KAZN: variants seen among roughly 807,000 people sequenced by gnomAD.
KAZN encodes kazrin.
KAZN carries 40 observed loss-of-function variants against 87.4 expected under a neutral mutation model. The observed-to-expected ratio is 0.46, with a 90% CI of 0.36 to 0.60. KAZN has a LOEUF of 0.60. KAZN is among the 20% of genes least tolerant of loss of function. The probability of loss-of-function intolerance (pLI) is 0.00; values close to 1 mark genes in which losing one functional copy is unlikely to be tolerated. For missense variants in KAZN, 898 were observed against 1,073.9 expected (o/e 0.84, Z 2.29); for synonymous variants, 466 against 458.3 (o/e 1.02, Z -0.22).
intron 2 of KAZN, among the ~76,000 whole-genome samples, chr1:14,453,611 G>A (rs12748818): frequency 0.099 from 15,053 of 152,084 alleles, 930 homozygotes; most frequent in East Asian, 0.19. Flanking sequence ...CAAGGTGGGC[G>A]GATCACTTGA....
At chr1:14,605,190 T>G (rs546613935) in intron 1 of KAZN, among the ~76,000 whole-genome samples, 8 of 152,328 alleles carry the variant, frequency 5.3e-5, no homozygotes, top group Admixed American at 2.6e-4. Context: ...TTTCTTTCTC[T>G]TTGGTCAAGG....
rs967915062 is a variant in KAZN, at chr1:14,819,009, C to T, written c.227-141675C>T. 2.0e-5 allele frequency among the ~76,000 whole-genome samples: 3 copies of T among 152,136 alleles called. 1 individual carries two copies. The highest frequency in any genetic ancestry group is 7.2e-5 in the African/African-American group (3 of 41,424). ...GGCAAACGCCGCAGTGAGCCGAGAT[C>T]GTGCCATTGCACTCCAGCCTGGGCA... is the stretch of plus-strand genomic sequence containing the variant. On this transcript the variant is annotated intron_variant, in intron 1 of 14. Coordinates refer to ENST00000376030, the MANE Select transcript of KAZN (RefSeq NM_201628.3).
At chr1:14,420,200 A>G (rs1217922464) in intron 2 of KAZN, among the ~76,000 whole-genome samples, 5 of 151,998 alleles carry the variant, frequency 3.3e-5, no homozygotes, top group African/African-American at 9.7e-5. Flanking sequence ...GCGTTTACAA[A>G]CCTTGAGCTA....
In KAZN at chr1:14,269,323, T is replaced by TA. The variant is rs35936892; in HGVS notation, c.249+88740dup. ...GGACTCCTTTGGGGGTTGATAATGA[T>TA]AAAAAAAAAGTTTGAGAAACTCTCC... On this transcript the variant is annotated intron_variant, in intron 2 of 16. Transcript: ENST00000636203. 2.7e-3 allele frequency among the ~76,000 whole-genome samples: 409 copies of TA among 151,382 alleles called. 4 individuals carry two copies. Among genetic ancestry groups the TA allele is most frequent in the African/African-American group, 8.5e-3 (350 of 41,288 alleles).
At chr1:14,766,684 C>T (rs1420657034) in intron 1 of KAZN, among the ~76,000 whole-genome samples, 1 of 149,284 alleles carries the variant, frequency 6.7e-6, no homozygotes, top group African/African-American at 2.5e-5. Context: ...TTGGAGCTCA[C>T]AGTCCAGTGG....
intron 2 of KAZN, among the ~76,000 whole-genome samples, chr1:14,405,663 GATTT>G (rs1031939188): frequency 3.3e-5 from 5 of 149,752 alleles, no homozygotes; most frequent in Non-Finnish European, 7.4e-5. Context: ...CAGAGAGAGA[GATTT>G]ATTATAAGGA....
chr1:14,070,185 A>AAAAAAAAAAAAAAAG (rs1570664859), intron 1 of KAZN, among the ~76,000 whole-genome samples: 2 of 149,104 alleles, frequency 1.3e-5, no homozygotes, highest in East Asian at 2.0e-4. Context: ...AAAAAAGTAA[A>AAAAAAAAAAAAAAAG]TAAATAAAAT....
At chr1:14,579,661 A>C (rs1466770907) in intron 2 of KAZN, among the ~76,000 whole-genome samples, 4 of 151,998 alleles carry the variant, frequency 2.6e-5, no homozygotes, top group African/African-American at 9.7e-5. Flanking sequence ...GAAATGCTAC[A>C]GTAAGCATAC....
intron 2 of KAZN, among the ~76,000 whole-genome samples, chr1:14,293,704 T>C (rs1653895974): frequency 6.6e-6 from 1 of 152,094 alleles, no homozygotes; most frequent in Non-Finnish European, 1.5e-5. Context: ...GATTAAACCA[T>C]TGACTAGCCT....
intron 2 of KAZN, among the ~76,000 whole-genome samples, chr1:15,003,436 C>T (rs1463334436): frequency 6.6e-6 from 1 of 152,156 alleles, no homozygotes; most frequent in African/African-American, 2.4e-5. Context: ...TGTCTACATA[C>T]GTCAAAGCTT....
chr1:14,870,720 C>A (rs1165874744), intron 1 of KAZN, among the ~76,000 whole-genome samples: 1 of 152,182 alleles, frequency 6.6e-6, no homozygotes, highest in Non-Finnish European at 1.5e-5. Flanking sequence ...AGGAGCTTCA[C>A]ATCTGGCACA....
chr1:14,124,111 A>G (rs146173239), intron 1 of KAZN: 4 of 152,372 alleles, frequency 2.6e-5, no homozygotes, highest in African/African-American at 9.6e-5. Flanking sequence ...AAATCACCTT[A>G]CGTGAATATT....
chr1:14,459,387 G>A (rs1667740665), intron 2 of KAZN, among the ~76,000 whole-genome samples: 1 of 151,760 alleles, frequency 6.6e-6, no homozygotes, highest in Admixed American at 6.6e-5. Context: ...TGATTAATGT[G>A]AGGCAGAAAT....
intron 1 of KAZN, among the ~76,000 whole-genome samples, chr1:14,884,397 AAAG>A (rs1336395139): frequency 6.6e-6 from 1 of 152,204 alleles, no homozygotes; most frequent in Non-Finnish European, 1.5e-5. Flanking sequence ...TCTCAAGAAA[AAAG>A]AAGTTCAAAG....
At chr1:14,126,648 A>C (rs542789790) in intron 1 of KAZN, among the ~76,000 whole-genome samples, 1 of 152,300 alleles carries the variant, frequency 6.6e-6, no homozygotes, top group Non-Finnish European at 1.5e-5. Context: ...AAAAAAAATA[A>C]GGACAATCAG....
At chr1:14,082,066 T>A (rs1001332528) in intron 1 of KAZN, among the ~76,000 whole-genome samples, 1 of 152,182 alleles carries the variant, frequency 6.6e-6, no homozygotes, top group African/African-American at 2.4e-5. Flanking sequence ...TGAGCCACTA[T>A]GCCCAGCCCA....
At chr1:14,808,086 T>C (rs1466281507) in intron 1 of KAZN, among the ~76,000 whole-genome samples, 1 of 152,084 alleles carries the variant, frequency 6.6e-6, no homozygotes, top group East Asian at 1.9e-4. Context: ...GAGGAGATTA[T>C]GGATAGAGTT....
chr1:13,989,225 G>A (rs1639166741), intron 1 of KAZN, among the ~76,000 whole-genome samples: 2 of 152,096 alleles, frequency 1.3e-5, no homozygotes, highest in Non-Finnish European at 2.9e-5. Context: ...ATTGCATGGG[G>A]ATATTATGTT....
At chr1:13,934,740 C>T (rs563918538) in intron 1 of KAZN, among the ~76,000 whole-genome samples, 9 of 152,096 alleles carry the variant, frequency 5.9e-5, no homozygotes, top group Non-Finnish European at 1.3e-4. Flanking sequence ...ACTGGGCTTC[C>T]GGGCATTGTA....
Sources: allele counts gnomAD v4.1 joint callset (sites outside exome capture counted in the v4.1 genomes callset), GRCh38; gene constraint gnomAD v4.1.1; transcripts MANE v1.5; gene names NCBI Gene and HGNC (gene_info 2026-07-23, HGNC 2026-07-21).